The following STK32A variants were observed in gnomAD, a reference collection of about 807,000 sequenced individuals.
The protein encoded by STK32A is serine/threonine-protein kinase 32A.
Under a neutral mutation model 53.2 loss-of-function variants are expected in STK32A, and 41 were observed. That is an observed-to-expected ratio of 0.77 (90% CI 0.60 to 1.00). The LOEUF is 1.00. STK32A is among the 50% of genes least tolerant of loss of function. The pLI, the probability that STK32A is intolerant of heterozygous loss-of-function variation, is 0.00. For synonymous variants in STK32A, 166 were observed against 162.8 expected (o/e 1.02, Z -0.15); for missense variants, 458 against 485.8 (o/e 0.94, Z 0.54).
chr5:147,237,349 A>G (rs2151936289), intron 1 of STK32A, among the ~76,000 whole-genome samples: 1 of 152,198 alleles, frequency 6.6e-6, no homozygotes, highest in Non-Finnish European at 1.5e-5. Context: ...AGGACCATTC[A>G]TCTCTTTCTA....
chr5:147,384,588 G>GCTCC lies in STK32A; in HGVS notation c.*605_*606insCTCC. 4 of 595,654 alleles carry GCTCC rather than the reference G, an allele frequency of 6.7e-6. No individual in the cohort carries two copies. Among genetic ancestry groups the GCTCC allele is most frequent in the Non-Finnish European group, 1.1e-5 (4 of 353,586 alleles). 36.9% of individuals were successfully genotyped at this position (595,654 alleles called of 1,614,324 possible). ...TAGATCCGCTTATCTCAGCTGGCAG[G>GCTCC]AGCCTGCTGTGCACACCACTTCCCA... On this transcript the variant is annotated 3_prime_UTR_variant, in exon 13 of 13. Transcript: ENST00000397936.
At chr5:147,346,978 A>G (rs953533628) in intron 6 of STK32A, among the ~76,000 whole-genome samples, 1 of 152,200 alleles carries the variant, frequency 6.6e-6, no homozygotes, top group African/African-American at 2.4e-5. Context: ...GATGAAGTGG[A>G]CAGTGTCCTT....
At chr5:147,351,197 T>C (rs1755960395) in intron 7 of STK32A, 43 bp downstream of exon 7, 7 of 1,470,470 alleles carry the variant, frequency 4.8e-6, no homozygotes, top group Non-Finnish European at 6.6e-6. Context: ...TTCCTGTAAA[T>C]ACCATTTATT....
At chr5:147,251,814 T>C (rs1245615082) in intron 2 of STK32A, among the ~76,000 whole-genome samples, 2 of 152,212 alleles carry the variant, frequency 1.3e-5, no homozygotes, top group Non-Finnish European at 2.9e-5. Flanking sequence ...GAGTTAATCA[T>C]CCAGTTCAGC....
chr5:147,310,374 T>A (rs1303642770), intron 4 of STK32A, among the ~76,000 whole-genome samples: 1 of 152,166 alleles, frequency 6.6e-6, no homozygotes, highest in African/African-American at 2.4e-5. Flanking sequence ...CTGAACATGG[T>A]GTAGCTTGGT....
At chr5:147,301,499 G>A (rs1321002942) in intron 4 of STK32A, among the ~76,000 whole-genome samples, 1 of 151,982 alleles carries the variant, frequency 6.6e-6, no homozygotes, top group Non-Finnish European at 1.5e-5. Context: ...GTGGACAACT[G>A]CACCTAAACT....
chr5:147,325,652 A>G (rs1384638394), intron 5 of STK32A, among the ~76,000 whole-genome samples: 1 of 152,206 alleles, frequency 6.6e-6, no homozygotes, highest in East Asian at 1.9e-4. Flanking sequence ...TTCAGGCACC[A>G]GATAAATGAA....
At chr5:147,341,158 A>C (rs1178122754) in intron 5 of STK32A, among the ~76,000 whole-genome samples, 1 of 152,040 alleles carries the variant, frequency 6.6e-6, no homozygotes, top group African/African-American at 2.4e-5. Context: ...GCCTCTCTCA[A>C]CTCTCATCCA....
intron 4 of STK32A, among the ~76,000 whole-genome samples, chr5:147,302,786 T>C (rs980190889): frequency 1.3e-5 from 2 of 152,190 alleles, no homozygotes; most frequent in Non-Finnish European, 2.9e-5. Flanking sequence ...ACTTCCCCCT[T>C]GTCAAAATCA....
At chr5:147,251,563 T>C (rs1274937800) in intron 2 of STK32A, among the ~76,000 whole-genome samples, 1 of 152,182 alleles carries the variant, frequency 6.6e-6, no homozygotes, top group African/African-American at 2.4e-5. Context: ...CTTCCCAGGA[T>C]GGCCAACCAG....
intron 8 of STK32A, among the ~76,000 whole-genome samples, chr5:147,367,349 A>C (rs779422424): frequency 2.0e-4 from 30 of 152,182 alleles, no homozygotes; most frequent in Non-Finnish European, 7.3e-5. Context: ...TACAGGTGTG[A>C]GCCGCCGCAC....
intron 8 of STK32A, among the ~76,000 whole-genome samples, chr5:147,368,669 T>C (rs138010584): frequency 7.2e-4 from 110 of 152,160 alleles, no homozygotes; most frequent in Non-Finnish European, 1.4e-3. Context: ...TTTTAAAATT[T>C]AGAACTGTAA....
At chr5:147,295,344 A>G (rs1752818857) in intron 4 of STK32A, among the ~76,000 whole-genome samples, 1 of 152,246 alleles carries the variant, frequency 6.6e-6, no homozygotes, top group Non-Finnish European at 1.5e-5. Flanking sequence ...ATTATGCTTG[A>G]ATAGTTCATT....
the STK32A span, chr5:147,399,151 A>G: frequency 6.2e-7 from 1 of 1,614,200 alleles, no homozygotes; most frequent in Non-Finnish European, 8.5e-7. Flanking sequence ...CGCTGTCAGA[A>G]CCCACAGATA....
intron 5 of STK32A, among the ~76,000 whole-genome samples, chr5:147,326,690 C>A (rs562277120): frequency 6.6e-6 from 1 of 152,152 alleles, no homozygotes; most frequent in Admixed American, 6.5e-5. Context: ...GACATTAAAT[C>A]CAAAGGCCTC....
intron 4 of STK32A, among the ~76,000 whole-genome samples, chr5:147,317,830 A>T (rs1338966420): frequency 6.6e-6 from 1 of 152,184 alleles, no homozygotes; most frequent in African/African-American, 2.4e-5. Flanking sequence ...AATAAAAAAG[A>T]TTGAGGATCT....
intron 4 of STK32A, among the ~76,000 whole-genome samples, chr5:147,309,086 T>C (rs754172905): frequency 1.3e-5 from 2 of 152,092 alleles, no homozygotes; most frequent in African/African-American, 2.4e-5. Context: ...ATTGGTAATG[T>C]AGTAAAGAGC....
intron 8 of STK32A, among the ~76,000 whole-genome samples, chr5:147,370,190 T>C (rs1051746303): frequency 9.9e-5 from 15 of 152,164 alleles, no homozygotes; most frequent in Non-Finnish European, 1.9e-4. Flanking sequence ...TTTTCTGTCC[T>C]GAGCTTCCTC....
chr5:147,258,333 C>A (rs1366671394), intron 2 of STK32A, among the ~76,000 whole-genome samples: 2 of 151,854 alleles, frequency 1.3e-5, no homozygotes, highest in Non-Finnish European at 2.9e-5. Context: ...ACCTTTAAAA[C>A]AAAATATTTG....
Sources: allele counts gnomAD v4.1 joint callset (sites outside exome capture counted in the v4.1 genomes callset), GRCh38; gene constraint gnomAD v4.1.1; transcripts MANE v1.5; gene names NCBI Gene and HGNC (gene_info 2026-07-23, HGNC 2026-07-21).